The following SLC24A2 variants were observed in gnomAD, a reference collection of about 807,000 sequenced individuals.
SLC24A2 encodes the protein sodium/potassium/calcium exchanger 2.
SLC24A2 carries 36 observed loss-of-function variants against 62.0 expected under a neutral mutation model. The ratio of observed to expected loss-of-function variants is 0.58; its 90% CI spans 0.44 to 0.77. The LOEUF is 0.77. SLC24A2 is among the 30% of genes least tolerant of loss of function. The pLI, the probability that SLC24A2 is intolerant of heterozygous loss-of-function variation, is 0.00. For synonymous variants in SLC24A2, 358 were observed against 294.0 expected (o/e 1.22, Z -2.23); for missense variants, 846 against 817.9 (o/e 1.03, Z -0.42).
chr9:20,270,189 C>A, the SLC24A2 span, among the ~76,000 whole-genome samples: 1 of 152,136 alleles, frequency 6.6e-6, no homozygotes, highest in Non-Finnish European at 1.5e-5. Flanking sequence ...AGGGATCCAA[C>A]CCCATGACCC....
chr9:19,910,503 T>C, the SLC24A2 span, among the ~76,000 whole-genome samples: 34 of 152,182 alleles, frequency 2.2e-4, no homozygotes, highest in East Asian at 5.8e-3. Context: ...CAATTTCCTA[T>C]AGGATAAAGT....
chr9:20,076,635 G>C, the SLC24A2 span, among the ~76,000 whole-genome samples: 1 of 152,068 alleles, frequency 6.6e-6, no homozygotes, highest in Non-Finnish European at 1.5e-5. Context: ...CAACTGCTTT[G>C]TGACACTTTG....
upstream of SLC24A2, among the ~76,000 whole-genome samples, chr9:19,791,988 T>A (rs540903840): frequency 1.3e-5 from 2 of 152,200 alleles, no homozygotes; most frequent in Non-Finnish European, 2.9e-5. Flanking sequence ...TCTTTTTGTT[T>A]TGAAGAGGAG....
At chr9:19,733,244 A>G (rs546015217) in intron 2 of SLC24A2, among the ~76,000 whole-genome samples, 1 of 152,282 alleles carries the variant, frequency 6.6e-6, no homozygotes, top group African/African-American at 2.4e-5. Flanking sequence ...TCTTGGAACA[A>G]TTCGGTATAC....
At chr9:19,588,639 G>A (rs973489671) in intron 5 of SLC24A2, among the ~76,000 whole-genome samples, 1 of 152,158 alleles carries the variant, frequency 6.6e-6, no homozygotes, top group East Asian at 1.9e-4. Flanking sequence ...AAGCCAATCT[G>A]AGTCTCTCTT....
intron 2 of SLC24A2, among the ~76,000 whole-genome samples, chr9:19,630,166 T>C (rs1205813214): frequency 6.6e-6 from 1 of 152,208 alleles, no homozygotes; most frequent in East Asian, 1.9e-4. Context: ...ACTTTTGTAG[T>C]CACATTTTAT....
At chr9:20,091,251 T>C in the SLC24A2 span, among the ~76,000 whole-genome samples, 2 of 150,986 alleles carry the variant, frequency 1.3e-5, no homozygotes, top group African/African-American at 4.9e-5. Context: ...CTGAAAGGGA[T>C]GATAAGAAAG....
the SLC24A2 span, among the ~76,000 whole-genome samples, chr9:20,014,773 C>G: frequency 6.6e-6 from 1 of 151,920 alleles, no homozygotes; most frequent in African/African-American, 2.4e-5. Flanking sequence ...CCAAAGGGTA[C>G]AAAGTTTCAG....
intron 2 of SLC24A2, among the ~76,000 whole-genome samples, chr9:19,700,823 T>C (rs1820334749): frequency 6.6e-6 from 1 of 152,186 alleles, no homozygotes; most frequent in Non-Finnish European, 1.5e-5. Context: ...TTTGTTTCCT[T>C]TAATTAACCT....
At chr9:19,902,603 C>A in the SLC24A2 span, among the ~76,000 whole-genome samples, 1 of 152,044 alleles carries the variant, frequency 6.6e-6, no homozygotes, top group African/African-American at 2.4e-5. Flanking sequence ...AGTGAGTGTT[C>A]TTTGTATTTA....
At chr9:19,619,760 C>T (rs904252120) in intron 3 of SLC24A2, 68 bp from the exon 4 acceptor site, 5 of 1,154,856 alleles carry the variant, frequency 4.3e-6, no homozygotes, top group African/African-American at 1.5e-5. Flanking sequence ...AGACAAGATC[C>T]TCACCTAGTC....
At chr9:20,199,451 T>C in the SLC24A2 span, among the ~76,000 whole-genome samples, 1 of 152,328 alleles carries the variant, frequency 6.6e-6, no homozygotes, top group Non-Finnish European at 1.5e-5. Context: ...TTCTTAACCA[T>C]TGGCATCTGG....
At chr9:19,647,068 G>A (rs201343370) in intron 2 of SLC24A2, among the ~76,000 whole-genome samples, 993 of 80,034 alleles carry the variant, frequency 0.012, 19 homozygotes, top group East Asian at 0.067. Flanking sequence ...ACACACGCGC[G>A]CACACACACA....
chr9:19,938,586 A>T, the SLC24A2 span, among the ~76,000 whole-genome samples: 1 of 152,146 alleles, frequency 6.6e-6, no homozygotes, highest in African/African-American at 2.4e-5. Context: ...TAGGTAAGAC[A>T]CTAACACTCA....
intron 2 of SLC24A2, among the ~76,000 whole-genome samples, chr9:19,702,589 A>C (rs1820388138): frequency 1.3e-5 from 2 of 152,214 alleles, no homozygotes; most frequent in African/African-American, 4.8e-5. Flanking sequence ...AGTAGTTTAC[A>C]TAATAATAGC....
chr9:19,906,712 A>C, the SLC24A2 span, among the ~76,000 whole-genome samples: 1 of 152,210 alleles, frequency 6.6e-6, no homozygotes, highest in Admixed American at 6.5e-5. Flanking sequence ...CTATGCAAAA[A>C]AACTAGAAAA....
chr9:20,215,382 A>G, the SLC24A2 span, among the ~76,000 whole-genome samples: 1 of 152,240 alleles, frequency 6.6e-6, no homozygotes, highest in Non-Finnish European at 1.5e-5. Context: ...ATTATCGAGA[A>G]CTATGTTATA....
At chr9:19,585,143 G>C (rs1836333463) in intron 5 of SLC24A2, among the ~76,000 whole-genome samples, 1 of 152,032 alleles carries the variant, frequency 6.6e-6, no homozygotes, top group African/African-American at 2.4e-5. Context: ...TGTCTGCTTA[G>C]CATAAAAAAA....
chr9:20,222,949 T>C, the SLC24A2 span, among the ~76,000 whole-genome samples: 1 of 152,028 alleles, frequency 6.6e-6, no homozygotes, highest in Non-Finnish European at 1.5e-5. Flanking sequence ...AAAAGCAGCA[T>C]TAAACTTGGA....
Sources: allele counts gnomAD v4.1 joint callset (sites outside exome capture counted in the v4.1 genomes callset), GRCh38; gene constraint gnomAD v4.1.1; transcripts MANE v1.5; gene names NCBI Gene and HGNC (gene_info 2026-07-23, HGNC 2026-07-21).